PSD3: variants seen among roughly 807,000 people sequenced by gnomAD.
The protein encoded by PSD3 is pleckstrin and Sec7 domain containing 3, also known as PH and SEC7 domain-containing protein 3.
PSD3 carries 49 observed loss-of-function variants against 105.5 expected under a neutral mutation model. The ratio of observed to expected loss-of-function variants is 0.46; its 90% confidence interval spans 0.37 to 0.59. The LOEUF (loss-of-function observed/expected upper bound fraction) is 0.59. Among genes scored for constraint, PSD3 ranks in the 20% least tolerant of loss-of-function variants. PSD3 has a pLI of 0.00. For synonymous variants in PSD3, 557 were observed against 457.8 expected (o/e 1.22, Z -2.77); for missense variants, 1,561 against 1,263.8 (o/e 1.24, Z -3.57).
intron 9 of PSD3, among the ~76,000 whole-genome samples, chr8:18,759,396 TG>T (rs1172847044): frequency 2.0e-5 from 3 of 152,160 alleles, no homozygotes; most frequent in Admixed American, 2.0e-4. Context: ...ATTCAAGGTA[TG>T]TTTTTAAACA....
exon 1 of PSD3, chr8:19,084,285 C>G (rs983835900): frequency 6.6e-6 from 3 of 456,162 alleles, no homozygotes; most frequent in Non-Finnish European, 1.3e-5. Flanking sequence ...GAGCCATGCC[C>G]TTGTCGCCTG....
At chr8:18,718,758 G>A (rs1323136909) in intron 9 of PSD3, among the ~76,000 whole-genome samples, 2 of 152,136 alleles carry the variant, frequency 1.3e-5, no homozygotes, top group Non-Finnish European at 2.9e-5. Flanking sequence ...AAGAGAGTAG[G>A]AGGTCAAGGA....
chr8:19,069,340 C>G (rs1829178960), intron 1 of PSD3, among the ~76,000 whole-genome samples: 1 of 152,088 alleles, frequency 6.6e-6, no homozygotes, highest in South Asian at 2.1e-4. Flanking sequence ...CTTGAAATAA[C>G]TTCAGAACAA....
chr8:18,607,998 C>A (rs1031219708), intron 11 of PSD3, among the ~76,000 whole-genome samples: 2 of 152,140 alleles, frequency 1.3e-5, no homozygotes, highest in African/African-American at 2.4e-5. Context: ...TGGCCCCCAA[C>A]AATTAAATTA....
chr8:18,938,212 T>A (rs750831010), intron 1 of PSD3, among the ~76,000 whole-genome samples: 1 of 152,194 alleles, frequency 6.6e-6, no homozygotes, highest in Admixed American at 6.5e-5. Flanking sequence ...AGCAGAGATA[T>A]CAGCTAGAAA....
At chr8:18,696,167 A>G (rs1801247664) in intron 9 of PSD3, among the ~76,000 whole-genome samples, 1 of 152,228 alleles carries the variant, frequency 6.6e-6, no homozygotes, top group Non-Finnish European at 1.5e-5. Context: ...GAGCTCTGCA[A>G]GGATTCACAG....
chr8:18,753,341 G>A (rs79498322), intron 9 of PSD3, among the ~76,000 whole-genome samples: 2,661 of 149,950 alleles, frequency 0.018, 135 homozygotes, highest in East Asian at 0.17. Flanking sequence ...GGGACAGAGC[G>A]AGACTCCAAC....
chr8:19,011,462 T>A (rs1311764351), intron 1 of PSD3, among the ~76,000 whole-genome samples: 1 of 152,170 alleles, frequency 6.6e-6, no homozygotes, highest in East Asian at 1.9e-4. Context: ...ATATCAAGGT[T>A]TTAGAAAGAG....
At chr8:18,556,171 C>A (rs1414238372) in intron 15 of PSD3, 38 bp downstream of exon 15, 30 of 1,607,144 alleles carry the variant, frequency 1.9e-5, no homozygotes, top group Non-Finnish European at 2.4e-5. Context: ...TAAGAAAACT[C>A]AGAAATCAGC....
chr8:18,974,237 A>T lies in PSD3; in HGVS notation c.22-38095T>A, dbSNP rs59611185. 6.9e-3 allele frequency among the ~76,000 whole-genome samples: 1,057 copies of T among 152,346 alleles called. 13 individuals are homozygous for T. The highest frequency in any genetic ancestry group is 0.024 in the African/African-American group (1,015 of 41,578). On this transcript the variant is annotated intron_variant, in intron 1 of 15. Coordinates refer to ENST00000327040, the MANE Select transcript of PSD3 (RefSeq NM_015310.4). ...GTTACAGATAAAGAAAAAGGCTCAA[A>T]AAGCCTTCCTCAAACTCAGACAGTG...
At chr8:18,543,007 T>A (rs1203102234) in intron 15 of PSD3, among the ~76,000 whole-genome samples, 1 of 152,234 alleles carries the variant, frequency 6.6e-6, no homozygotes, top group Admixed American at 6.5e-5. Flanking sequence ...AAGCATAATA[T>A]AATTCCACTA....
intron 1 of PSD3, among the ~76,000 whole-genome samples, chr8:19,077,674 T>G (rs1440424329): frequency 6.6e-6 from 1 of 152,230 alleles, no homozygotes; most frequent in African/African-American, 2.4e-5. Flanking sequence ...ATACATTTTA[T>G]AGCTTTTGGG....
At chr8:19,040,566 G>A (rs1828088130) in intron 1 of PSD3, among the ~76,000 whole-genome samples, 1 of 152,134 alleles carries the variant, frequency 6.6e-6, no homozygotes, top group Non-Finnish European at 1.5e-5. Flanking sequence ...CGAGTAACTT[G>A]GCCTGATTAC....
At chr8:18,952,101 C>G (rs1414066361) in intron 1 of PSD3, among the ~76,000 whole-genome samples, 1 of 152,122 alleles carries the variant, frequency 6.6e-6, no homozygotes, top group African/African-American at 2.4e-5. Flanking sequence ...GGGTGGATGC[C>G]AGTCACCTTT....
chr8:18,760,603 G>A (rs1057283600), intron 9 of PSD3, among the ~76,000 whole-genome samples: 12 of 152,154 alleles, frequency 7.9e-5, no homozygotes, highest in African/African-American at 2.9e-4. Context: ...ATATTCCACT[G>A]TGCATATCTA....
intron 9 of PSD3, among the ~76,000 whole-genome samples, chr8:18,736,427 C>T (rs530063692): frequency 6.6e-6 from 1 of 152,270 alleles, no homozygotes; most frequent in East Asian, 1.9e-4. Context: ...GGAATTTTAT[C>T]ATCAACTGTG....
intron 4 of PSD3, among the ~76,000 whole-genome samples, chr8:18,820,578 T>C (rs1380416092): frequency 1.3e-5 from 2 of 152,218 alleles, no homozygotes; most frequent in African/African-American, 2.4e-5. Flanking sequence ...TTAATAGTTG[T>C]TATACTTTAT....
At chr8:18,814,230 C>T (rs981222057) in intron 4 of PSD3, among the ~76,000 whole-genome samples, 2 of 152,218 alleles carry the variant, frequency 1.3e-5, no homozygotes, top group African/African-American at 4.8e-5. Context: ...GTAAGCATCA[C>T]ATACAGATTC....
intron 1 of PSD3, among the ~76,000 whole-genome samples, chr8:18,941,613 G>A (rs923040800): frequency 2.7e-5 from 4 of 149,972 alleles, no homozygotes; most frequent in South Asian, 2.1e-4. Flanking sequence ...CAACATTACC[G>A]ATTATAATTA....
Sources: gnomAD v4.1 joint callset for allele counts (sites outside exome capture counted in the v4.1 genomes callset) on GRCh38, gnomAD v4.1.1 for gene constraint, MANE v1.5 for transcripts, NCBI Gene and HGNC (gene_info 2026-07-23, HGNC 2026-07-21) for gene names.